The following MPP3 variants were observed in gnomAD, a reference collection of about 807,000 sequenced individuals.
MPP3 encodes the protein MAGUK p55 scaffold protein 3, also known as MAGUK p55 subfamily member 3.
MPP3 carries 48 observed loss-of-function variants against 80.7 expected under a neutral mutation model. That is an observed-to-expected ratio of 0.59 (90% CI 0.47 to 0.76). The LOEUF (loss-of-function observed/expected upper bound fraction) is 0.76, where lower values mean the gene tolerates loss of function less well. Among genes scored for constraint, MPP3 ranks in the 30% least tolerant of loss-of-function variants. MPP3 has a pLI of 0.00. For synonymous variants in MPP3, 311 were observed against 297.6 expected, an observed-to-expected ratio of 1.04 and a Z score of -0.46; for missense variants, 620 against 763.0, an observed-to-expected ratio of 0.81 and a Z score of 2.21.
intron 14 of MPP3, 99 bp downstream of exon 14, chr17:43,815,939 G>T: frequency 9.1e-7 from 1 of 1,099,000 alleles, no homozygotes; most frequent in Non-Finnish European, 1.3e-6. Flanking sequence ...GCTCCAGAAG[G>T]ACTCCTGGGG....
intron 18 of MPP3, among the ~76,000 whole-genome samples, chr17:43,810,019 T>G (rs915620928): frequency 3.3e-5 from 5 of 152,218 alleles, no homozygotes; most frequent in Admixed American, 3.3e-4. Context: ...AAATCACTTT[T>G]CAAAGAAAAT....
At chr17:43,803,645 C>T (rs1242076265) in intron 19 of MPP3, among the ~76,000 whole-genome samples, 1 of 152,202 alleles carries the variant, frequency 6.6e-6, no homozygotes, top group Non-Finnish European at 1.5e-5. Context: ...TAAAGTTACA[C>T]AAAACCCATG....
At chr17:43,817,484 G>A (rs936492337) in intron 12 of MPP3, among the ~76,000 whole-genome samples, 6 of 152,184 alleles carry the variant, frequency 3.9e-5, no homozygotes, top group African/African-American at 1.2e-4. Flanking sequence ...TAACTTCTTA[G>A]TATAAGTATG....
At chr17:43,822,389 T>G (rs532344124) in intron 10 of MPP3, among the ~76,000 whole-genome samples, 1 of 152,280 alleles carries the variant, frequency 6.6e-6, no homozygotes, top group Non-Finnish European at 1.5e-5. Context: ...GGGAATGTCT[T>G]GAAAAACTGG....
In MPP3 at chr17:43,801,773, G is replaced by A. The variant is rs1181482410; in HGVS notation, c.1686C>T (p.Tyr562=). The A allele has an allele frequency of 1.1e-5, 17 of 1,614,134 alleles. No homozygotes were observed. The highest frequency in any genetic ancestry group is 1.4e-5 in the Non-Finnish European group (17 of 1,180,010). The change falls in exon 20 of 20, where the codon TAC becomes TAT. Residue 562 remains tyrosine (Y), a synonymous_variant. Coordinates refer to ENST00000398389, the MANE Select transcript of MPP3 (RefSeq NM_001932.6). ...TCTCTAAGACCACTTTGAGCTGGCT[G>A]TAGGCACCCTGGAGATCCTCCTTCA... The part of the protein sequence containing the change: ...VLVKEDLQGA[Y]SQLKVVLEKL...
intron 10 of MPP3, among the ~76,000 whole-genome samples, chr17:43,822,030 C>G (rs1261602604): frequency 6.6e-6 from 1 of 152,172 alleles, no homozygotes; most frequent in Non-Finnish European, 1.5e-5. Context: ...GAAGGACAGG[C>G]TGGGGGACAG....
chr17:43,809,011 T>C lies in MPP3; in HGVS notation c.1526A>G (p.Glu509Gly), dbSNP rs909922251. The change falls in exon 19 of 20, where the codon GAA (glutamate) becomes GGA (glycine). Residue 509 changes from glutamate to glycine, a missense_variant. Glu to Gly is a moderately conservative substitution (Grantham distance 98). Transcript: ENST00000398389. ...GGACATAGGTGGCGTTTTTCTTTTT[T>C]CCTGAATTGCAGGCTTTACAAATAT... ...YIIFVKPAIQ[E>G]KRKTPPMSPA... is the part of the protein sequence containing the mutation. 3 of 1,611,424 alleles carry C rather than the reference T, an allele frequency of 1.9e-6. No homozygotes were observed. Among genetic ancestry groups the C allele is most frequent in the Non-Finnish European group, 2.5e-6 (3 of 1,179,462 alleles).
chr17:43,824,574 C>G (rs757914086), intron 9 of MPP3, among the ~76,000 whole-genome samples: 3 of 152,092 alleles, frequency 2.0e-5, no homozygotes, highest in Admixed American at 1.3e-4. Context: ...AGGGGCCCAA[C>G]AAAGGAAGAA....
At chr17:43,826,858 G>A (rs1450289045) in intron 8 of MPP3, among the ~76,000 whole-genome samples, 2 of 135,284 alleles carry the variant, frequency 1.5e-5, no homozygotes, top group African/African-American at 6.1e-5. Flanking sequence ...TTTTTTTTGA[G>A]ACGGTCTCAC....
At position 43,801,812 on chromosome 17, in the gene MPP3, T is replaced by C. The variant is rs751245088; in HGVS notation, c.1647A>G (p.Val549=). 5 of 1,614,052 alleles carry C rather than the reference T, an allele frequency of 3.1e-6. No individual in the cohort carries two copies. The East Asian group carries it at 1.1e-4, about 36-fold the overall frequency. The change falls in exon 20 of 20, where the codon GTA becomes GTG. Residue 549 remains valine (V), a synonymous_variant. Coordinates refer to ENST00000398389, the MANE Select transcript of MPP3 (RefSeq NM_001932.6). The part of the protein sequence containing the change: ...AFIDRHYGHL[V]DAVLVKEDLQ... ...GATCCTCCTTCACCAGCACGGCGTCTACCAGGTGCCCGTAATGCCGGTCTA... is the reference window on the plus strand; with the variant it reads ...GATCCTCCTTCACCAGCACGGCGTCCACCAGGTGCCCGTAATGCCGGTCTA...
chr17:43,831,647 G>C lies in MPP3; in HGVS notation c.56C>G (p.Ser19Cys), dbSNP rs370315614. 2.0e-5 allele frequency: 33 copies of C among 1,613,044 alleles called. No individual in the cohort carries two copies. Among genetic ancestry groups the C allele is most frequent in the Non-Finnish European group, 2.6e-5 (31 of 1,179,360 alleles). Reference protein sequence around the residue: ...GLHETLALLTSQLRPDSNHKE... With the variant: ...GLHETLALLTCQLRPDSNHKE... The stretch of plus-strand genomic sequence containing the variant: ...GTGGTTGGAGTCAGGTCTGAGCTGG[G>C]AGGTCAGCAGGGCCAGGGTTTCATG... Residue 19 changes from serine (S) to cysteine (C), a missense_variant, in exon 4 of 20, where the codon TCC becomes TGC. Transcript: ENST00000398389.
chr17:43,806,685 T>C (rs1346534073), intron 19 of MPP3, among the ~76,000 whole-genome samples: 1 of 151,754 alleles, frequency 6.6e-6, no homozygotes, highest in Non-Finnish European at 1.5e-5. Flanking sequence ...TCTCGGCTCA[T>C]TGCAACCTCT....
chr17:43,815,579 G>A (rs894804848), intron 14 of MPP3, among the ~76,000 whole-genome samples: 2 of 152,020 alleles, frequency 1.3e-5, no homozygotes, highest in Non-Finnish European at 2.9e-5. Context: ...GCACTCCAGC[G>A]TGAGAGACAG....
intron 16 of MPP3, among the ~76,000 whole-genome samples, chr17:43,813,500 C>G (rs1374496174): frequency 1.3e-5 from 2 of 152,116 alleles, no homozygotes; most frequent in Non-Finnish European, 2.9e-5. Context: ...GTGCCCCTGG[C>G]AGCAGTAAGC....
intron 19 of MPP3, among the ~76,000 whole-genome samples, chr17:43,807,578 CCAAAGTGCTGAG>C (rs1567797118): frequency 2.0e-5 from 3 of 152,058 alleles, no homozygotes; most frequent in Non-Finnish European, 4.4e-5. Context: ...CCTCAGCCTC[CCAAAGTGCTGAG>C]ACACAGGTGT....
At chr17:43,832,664 G>C (rs187288235) in intron 2 of MPP3, 97 bp downstream of exon 2, 1 of 152,466 alleles carries the variant, frequency 6.6e-6, no homozygotes, top group African/African-American at 2.4e-5. Flanking sequence ...GAGCCAGCCC[G>C]CAGCGCCGAG....
intron 19 of MPP3, among the ~76,000 whole-genome samples, chr17:43,806,063 T>C (rs2044599317): frequency 6.6e-6 from 1 of 152,258 alleles, no homozygotes; most frequent in Non-Finnish European, 1.5e-5. Flanking sequence ...ATTTTGTGTG[T>C]AACACAAAAT....
chr17:43,826,447 T>C (rs930774968), intron 8 of MPP3, among the ~76,000 whole-genome samples: 14 of 152,230 alleles, frequency 9.2e-5, no homozygotes, highest in African/African-American at 3.1e-4. Context: ...TCAGTCTGCA[T>C]TTTAACAAGA....
At chr17:43,815,907 T>C (rs1379269350) in intron 14 of MPP3, 131 bp downstream of exon 14, 1 of 840,424 alleles carries the variant, frequency 1.2e-6, no homozygotes, top group Non-Finnish European at 1.8e-6. Flanking sequence ...TGAGGAGAGA[T>C]GGGGGTCCCA....
Sources: allele counts gnomAD v4.1 joint callset (sites outside exome capture counted in the v4.1 genomes callset), GRCh38; gene constraint gnomAD v4.1.1; transcripts MANE v1.5; gene names NCBI Gene and HGNC (gene_info 2026-07-23, HGNC 2026-07-21).